NAV3: variants seen among roughly 807,000 people sequenced by gnomAD.
The protein encoded by NAV3 is pore membrane and/or filament interacting like protein 1.
In NAV3, 87 loss-of-function variants were observed where a neutral mutation model predicts 244.7. The ratio of observed to expected loss-of-function variants is 0.36; its 90% CI spans 0.30 to 0.42. The LOEUF is 0.42. NAV3 is among the 20% of genes least tolerant of loss of function. The pLI, the probability that NAV3 is intolerant of heterozygous loss-of-function variation, is 1.00. For synonymous variants in NAV3, 1,126 were observed against 1,042.2 expected (o/e 1.08, Z -1.55); for missense variants, 2,663 against 2,893.3 (o/e 0.92, Z 1.83).
intron 5 of NAV3, among the ~76,000 whole-genome samples, chr12:77,990,818 T>G (rs1871318793): frequency 6.6e-6 from 1 of 152,158 alleles, no homozygotes; most frequent in South Asian, 2.1e-4. Flanking sequence ...TAATTTTTCT[T>G]GCAATTTATT....
chr12:78,127,511 C>T (rs1029752273), intron 17 of NAV3, among the ~76,000 whole-genome samples: 5 of 151,966 alleles, frequency 3.3e-5, no homozygotes, highest in Non-Finnish European at 7.4e-5. Context: ...AAAACTTGTC[C>T]CAGGCATTAC....
chr12:78,000,769 C>T (rs569943164), intron 7 of NAV3, among the ~76,000 whole-genome samples: 1,847 of 150,968 alleles, frequency 0.012, 32 homozygotes, highest in African/African-American at 0.042. Flanking sequence ...TCCCAAAGTG[C>T]TGGGATTACA....
chr12:77,675,835 T>G, intron 2 of NAV3, among the ~76,000 whole-genome samples: 1 of 152,160 alleles, frequency 6.6e-6, no homozygotes, highest in East Asian at 1.9e-4. Flanking sequence ...CCTTGTGTGT[T>G]TGTGGACTAT....
intron 2 of NAV3, among the ~76,000 whole-genome samples, chr12:77,699,321 A>C (rs1013068788): frequency 6.6e-6 from 1 of 152,106 alleles, no homozygotes; most frequent in Admixed American, 6.6e-5. Flanking sequence ...GCCTATTCCT[A>C]CTGTAGTATT....
At chr12:77,824,977 G>A (rs1218580242) in intron 2 of NAV3, among the ~76,000 whole-genome samples, 1 of 152,070 alleles carries the variant, frequency 6.6e-6, no homozygotes, top group Non-Finnish European at 1.5e-5. Flanking sequence ...ATCAGAAGTT[G>A]GATAATACAG....
At position 78,212,950 on chromosome 12, in the gene NAV3, G is replaced by A. The variant is rs1960995730; in HGVS notation, c.*2433G>A. The A allele has an allele frequency of 6.6e-6, 1 of 152,492 alleles. No individual in the cohort carries two copies. Among genetic ancestry groups the A allele is most frequent in the Non-Finnish European group, 1.5e-5 (1 of 67,990 alleles). 9.4% of individuals were successfully genotyped at this position (152,492 alleles called of 1,614,324 possible). A position where few individuals can be genotyped will look rare whatever the true frequency, so the allele number is the denominator to read the frequency against. On this transcript the variant is annotated 3_prime_UTR_variant, in exon 40 of 40. Coordinates refer to ENST00000397909, the MANE Select transcript of NAV3 (RefSeq NM_001024383.2). ...AGCTTGCATATATTTTTTTGCAAAT[G>A]TGCACCCTGTATCTGTCTAAATTAT...
At chr12:77,961,285 A>G (rs1319529167) in intron 3 of NAV3, among the ~76,000 whole-genome samples, 1 of 107,254 alleles carries the variant, frequency 9.3e-6, no homozygotes. Context: ...TGTATGACAT[A>G]TGCAATATAC....
At position 78,177,656 on chromosome 12, in the gene NAV3, T is replaced by C. The variant is rs748690597; in HGVS notation, c.5334T>C (p.Asn1778=). The stretch of plus-strand genomic sequence containing the variant: ...TCTGGCCACCAAAGAAACGACAAAA[T>C]GGCCCTGTGATCTACAAGCATAGAT... ...PLVWPPKKRQ[N]GPVIYKHRSR... Residue 1778 remains asparagine, a synonymous_variant, in exon 28 of 40, where the codon AAT becomes AAC. Coordinates refer to ENST00000397909, the MANE Select transcript of NAV3 (RefSeq NM_001024383.2). The C allele has an allele frequency of 6.3e-7, 1 of 1,597,238 alleles. No individual in the cohort carries two copies.
At chr12:77,852,391 C>G (rs1172856656) in intron 1 of NAV3, among the ~76,000 whole-genome samples, 1 of 151,812 alleles carries the variant, frequency 6.6e-6, no homozygotes, top group Non-Finnish European at 1.5e-5. Context: ...AAAACTTAAC[C>G]GAGCGTAGTG....
chr12:78,192,124 A>C (rs1959009579), intron 34 of NAV3, among the ~76,000 whole-genome samples: 1 of 146,488 alleles, frequency 6.8e-6, no homozygotes, highest in Non-Finnish European at 1.5e-5. Flanking sequence ...ATATGTATGT[A>C]TATATTTCAG....
intron 39 of NAV3, among the ~76,000 whole-genome samples, chr12:78,208,533 C>T (rs909683914): frequency 1.3e-5 from 2 of 152,140 alleles, no homozygotes; most frequent in African/African-American, 4.8e-5. Context: ...ACGTAATCTT[C>T]TCTTGTAAAC....
chr12:77,613,351 G>A (rs1436612344), intron 2 of NAV3, among the ~76,000 whole-genome samples: 3 of 152,088 alleles, frequency 2.0e-5, no homozygotes, highest in Non-Finnish European at 4.4e-5. Context: ...TAAATCAGTC[G>A]AACACAGTGG....
intron 1 of NAV3, among the ~76,000 whole-genome samples, chr12:77,866,596 A>G (rs1305899501): frequency 6.6e-6 from 1 of 152,234 alleles, no homozygotes; most frequent in East Asian, 1.9e-4. Flanking sequence ...TCACACATGA[A>G]TTTTAAGAAG....
chr12:77,827,047 C>A (rs1483854704), upstream of NAV3, among the ~76,000 whole-genome samples: 2 of 151,982 alleles, frequency 1.3e-5, no homozygotes, highest in Non-Finnish European at 2.9e-5. Context: ...CATGGCGAAA[C>A]CCTGGCGAAA....
intron 24 of NAV3, among the ~76,000 whole-genome samples, chr12:78,173,660 G>C (rs1253341279): frequency 6.6e-6 from 1 of 151,120 alleles, no homozygotes; most frequent in Non-Finnish European, 1.5e-5. Flanking sequence ...TTTAGAAGTT[G>C]GTAATGTTTT....
At chr12:78,034,787 C>G (rs1879574243) in intron 9 of NAV3, among the ~76,000 whole-genome samples, 2 of 152,156 alleles carry the variant, frequency 1.3e-5, no homozygotes, top group African/African-American at 4.8e-5. Flanking sequence ...AGATTTTCTA[C>G]TTAGGAATTC....
chr12:77,951,520 A>C (rs922445508), intron 3 of NAV3, among the ~76,000 whole-genome samples: 1 of 152,168 alleles, frequency 6.6e-6, no homozygotes, highest in African/African-American at 2.4e-5. Context: ...GCGGTTGCTC[A>C]AGGATCTGGA....
chr12:78,127,866 T>C (rs1197284884), intron 17 of NAV3, among the ~76,000 whole-genome samples: 1 of 152,060 alleles, frequency 6.6e-6, no homozygotes, highest in Non-Finnish European at 1.5e-5. Flanking sequence ...AATCTCAAAA[T>C]AATTATTCCA....
chr12:78,162,937 A>T (rs1957623912), intron 23 of NAV3, among the ~76,000 whole-genome samples: 1 of 122,994 alleles, frequency 8.1e-6, no homozygotes, highest in Non-Finnish European at 1.6e-5. Context: ...TATAAATTAC[A>T]TATTTATAAA....
Sources: gnomAD v4.1 joint callset for allele counts (sites outside exome capture counted in the v4.1 genomes callset) on GRCh38, gnomAD v4.1.1 for gene constraint, MANE v1.5 for transcripts, NCBI Gene and HGNC (gene_info 2026-07-23, HGNC 2026-07-21) for gene names.